Variants in SWAP70 observed in about 807,000 individuals in gnomAD.
The protein encoded by SWAP70 is switching B cell complex subunit SWAP70.
SWAP70 carries 34 observed loss-of-function variants against 80.2 expected under a neutral mutation model. The ratio of observed to expected loss-of-function variants is 0.42; its 90% CI spans 0.32 to 0.56. The LOEUF is 0.56. SWAP70 is among the 20% of genes least tolerant of loss of function. The pLI is 0.09. For synonymous variants in SWAP70, 239 were observed against 238.5 expected, an observed-to-expected ratio of 1.00 and a Z score of -0.02; for missense variants, 578 against 690.7, an observed-to-expected ratio of 0.84 and a Z score of 1.83.
intron 2 of SWAP70, among the ~76,000 whole-genome samples, chr11:9,699,687 T>G (rs997138857): frequency 1.3e-5 from 2 of 151,990 alleles, no homozygotes; most frequent in Non-Finnish European, 2.9e-5. Context: ...AGATCCTATC[T>G]CTATAAAAAA....
At chr11:9,700,580 C>A (rs895047793) in intron 2 of SWAP70, among the ~76,000 whole-genome samples, 1 of 151,988 alleles carries the variant, frequency 6.6e-6, no homozygotes, top group Non-Finnish European at 1.5e-5. Context: ...TGGAATTATC[C>A]CCCATTAACT....
chr11:9,724,997 G>GT (rs1851190106), intron 4 of SWAP70, 112 bp downstream of exon 4: 2 of 815,456 alleles, frequency 2.5e-6, no homozygotes, highest in East Asian at 2.7e-5. Context: ...CACTGATTTC[G>GT]TTTTTTTATT....
intron 1 of SWAP70, among the ~76,000 whole-genome samples, chr11:9,669,938 G>T (rs974469589): frequency 6.6e-6 from 1 of 152,072 alleles, no homozygotes; most frequent in Non-Finnish European, 1.5e-5. Context: ...GACTAGTGTG[G>T]CCAACGTGGC....
At chr11:9,681,244 G>A (rs957834161) in intron 1 of SWAP70, 2 of 152,240 alleles carry the variant, frequency 1.3e-5, no homozygotes, top group Non-Finnish European at 2.9e-5. Flanking sequence ...TAAATTAAGA[G>A]CAAGAGCCTC....
chr11:9,732,403 T>A, intron 6 of SWAP70, 126 bp from the exon 7 acceptor site: 2 of 1,004,400 alleles, frequency 2.0e-6, no homozygotes, highest in Non-Finnish European at 3.0e-6. Flanking sequence ...AGTGACAAAA[T>A]CAGAATCTAC....
At chr11:9,738,114 G>A in intron 7 of SWAP70, 99 bp from the exon 8 acceptor site, 1 of 680,480 alleles carries the variant, frequency 1.5e-6, no homozygotes, top group Non-Finnish European at 2.3e-6. Context: ...TGTTAAGAAT[G>A]TTTGGCTTTT....
At chr11:9,667,651 C>G (rs1850325361) in intron 1 of SWAP70, among the ~76,000 whole-genome samples, 1 of 150,032 alleles carries the variant, frequency 6.7e-6, no homozygotes, top group Non-Finnish European at 1.5e-5. Flanking sequence ...CAGCCTCAAC[C>G]TCCTGGGCTC....
At chr11:9,720,175 G>C (rs955299037) in intron 3 of SWAP70, 8 of 985,210 alleles carry the variant, frequency 8.1e-6, no homozygotes, top group Non-Finnish European at 9.6e-6. Context: ...CCAATATAAT[G>C]AATCAAAAGG....
chr11:9,741,058 A>C (rs1426105541), intron 9 of SWAP70: 1 of 153,100 alleles, frequency 6.5e-6, no homozygotes, highest in Non-Finnish European at 1.5e-5. Context: ...ACAACACTAA[A>C]AAGTATTCAC....
chr11:9,706,177 ATACAC>A (rs1850909931), intron 2 of SWAP70, among the ~76,000 whole-genome samples: 3 of 42,554 alleles, frequency 7.0e-5, no homozygotes, highest in East Asian at 1.1e-3. Flanking sequence ...GGTGATCTGT[ATACAC>A]TGGTGATCTG....
intron 1 of SWAP70, among the ~76,000 whole-genome samples, chr11:9,686,124 A>G (rs1356629233): frequency 1.3e-5 from 2 of 151,850 alleles, no homozygotes; most frequent in Non-Finnish European, 2.9e-5. Context: ...TACTCAAACA[A>G]TGTATTAAAG....
At chr11:9,728,748 C>T (rs1851257690) in intron 5 of SWAP70, among the ~76,000 whole-genome samples, 1 of 152,114 alleles carries the variant, frequency 6.6e-6, no homozygotes, top group Admixed American at 6.5e-5. Context: ...TGTTGAAGAA[C>T]ATTTAAATAC....
chr11:9,738,183 T>C lies in SWAP70; in HGVS notation c.1081-30T>C, dbSNP rs745919693. 5.8e-6 allele frequency: 9 copies of C among 1,559,260 alleles called. No homozygotes were observed. The South Asian group carries it at 7.0e-5, about 12-fold the overall frequency. On this transcript the variant is annotated intron_variant, in intron 7 of 11. Transcript: ENST00000318950. ...AATGTACTTCTACTCTAACACCTGCTTTTCTGTGGATGGGTTTTTGATTGG... is the reference window on the plus strand; with the variant it reads ...AATGTACTTCTACTCTAACACCTGCCTTTCTGTGGATGGGTTTTTGATTGG...
At chr11:9,681,348 G>A (rs1266553560) in intron 1 of SWAP70, 1 of 152,154 alleles carries the variant, frequency 6.6e-6, no homozygotes, top group Non-Finnish European at 1.5e-5. Flanking sequence ...AAGAGAGATG[G>A]GGCTACATTT....
intron 3 of SWAP70, among the ~76,000 whole-genome samples, chr11:9,720,711 A>G (rs527650287): frequency 7.2e-4 from 110 of 152,244 alleles, no homozygotes; most frequent in Admixed American, 9.8e-4. Flanking sequence ...GGGAGATTGA[A>G]TTTCTGTACC....
intron 1 of SWAP70, among the ~76,000 whole-genome samples, chr11:9,665,743 T>C (rs1445543712): frequency 6.6e-6 from 1 of 152,248 alleles, no homozygotes; most frequent in Admixed American, 6.5e-5. Flanking sequence ...TTCTATTGCA[T>C]GGATGTATGG....
At chr11:9,742,315 T>G (rs1283408933) in intron 9 of SWAP70, among the ~76,000 whole-genome samples, 1 of 152,076 alleles carries the variant, frequency 6.6e-6, no homozygotes, top group Non-Finnish European at 1.5e-5. Context: ...TTTTGGAACC[T>G]GAAATGGACA....
chr11:9,694,835 C>T (rs360047), intron 2 of SWAP70, among the ~76,000 whole-genome samples: 100,490 of 151,984 alleles, frequency 0.66, 33,630 homozygotes, highest in South Asian at 0.85. Flanking sequence ...TGTGGAGAAA[C>T]AGGAACGCTT....
rs762312694 is a variant in SWAP70, at chr11:9,738,294, A to C, written c.1162A>C (p.Ser388Arg). Residue 388 changes from serine (S) to arginine (R), a missense_variant, in exon 8 of 12, where the codon AGC becomes CGC. Coordinates refer to ENST00000318950, the MANE Select transcript of SWAP70 (RefSeq NM_015055.4). ...TCAAGTGGAACTTCAGGCCAGGTTC[A>C]GCACAGAGCTGGAAAGAGAGAAGCT... ...QTQVELQARFSTELEREKLIR... is the reference protein window; with the variant it reads ...QTQVELQARFRTELEREKLIR... 1 of 1,608,768 alleles carries C rather than the reference A, an allele frequency of 6.2e-7. No individual in the cohort carries two copies. Among genetic ancestry groups the C allele is most frequent in the South Asian group, 1.1e-5 (1 of 90,230 alleles).
Sources: gnomAD v4.1 joint callset for allele counts (sites outside exome capture counted in the v4.1 genomes callset) on GRCh38, gnomAD v4.1.1 for gene constraint, MANE v1.5 for transcripts, NCBI Gene and HGNC (gene_info 2026-07-23, HGNC 2026-07-21) for gene names.